RANBP2: variants seen among roughly 807,000 people sequenced by gnomAD.
RANBP2 encodes the protein RAN binding protein 2, also known as E3 SUMO-protein ligase RanBP2.
A neutral mutation model predicts 303.6 loss-of-function variants in RANBP2; 57 were observed. The ratio of observed to expected loss-of-function variants is 0.19; its 90% CI spans 0.15 to 0.23. The LOEUF (loss-of-function observed/expected upper bound fraction) is 0.23. RANBP2 is among the 10% of genes least tolerant of loss of function. The probability of loss-of-function intolerance (pLI) is 1.00; values close to 1 mark genes in which losing one functional copy is unlikely to be tolerated. For synonymous variants in RANBP2, 1,167 were observed against 1,301.5 expected (o/e 0.90, Z 2.23); for missense variants, 3,138 against 3,780.8 (o/e 0.83, Z 4.46).
chr2:109,061,817 C>T, the RANBP2 span, among the ~76,000 whole-genome samples: 164 of 152,152 alleles, frequency 1.1e-3, no homozygotes, highest in African/African-American at 3.6e-3. Flanking sequence ...CTGGTGGGCC[C>T]GTGGACTTGT....
chr2:108,752,637 G>A (rs826523), intron 12 of RANBP2, among the ~76,000 whole-genome samples: 117,327 of 125,988 alleles, frequency 0.93, 54,398 homozygotes, highest in Non-Finnish European at 0.98. Flanking sequence ...AAAAAAAAAA[G>A]AAAAAATTAG....
At chr2:109,283,188 G>A in the RANBP2 span, among the ~76,000 whole-genome samples, 1 of 152,190 alleles carries the variant, frequency 6.6e-6, no homozygotes, top group Admixed American at 6.5e-5. Context: ...GGTGCCTGGA[G>A]CATGCCTCTG....
chr2:109,489,415 A>G, the RANBP2 span, among the ~76,000 whole-genome samples: 2 of 152,204 alleles, frequency 1.3e-5, no homozygotes, highest in East Asian at 1.9e-4. Flanking sequence ...CTCTTAGACA[A>G]CCAGACCCCA....
At chr2:108,750,823 G>C (rs1410939638) in intron 9 of RANBP2, among the ~76,000 whole-genome samples, 1 of 152,150 alleles carries the variant, frequency 6.6e-6, no homozygotes, top group Non-Finnish European at 1.5e-5. Flanking sequence ...TCCTGACTGC[G>C]CAGAACCTTT....
the RANBP2 span, among the ~76,000 whole-genome samples, chr2:109,151,802 A>G: frequency 5.9e-5 from 9 of 152,384 alleles, no homozygotes; most frequent in African/African-American, 9.6e-5. Context: ...TATGACTCTA[A>G]TAGATTTGCA....
At chr2:109,457,667 A>G in the RANBP2 span, among the ~76,000 whole-genome samples, 3 of 152,204 alleles carry the variant, frequency 2.0e-5, no homozygotes, top group Admixed American at 2.0e-4. Context: ...TCAAGTCTAG[A>G]TTCTGTTCTG....
chr2:109,365,342 T>G, the RANBP2 span, among the ~76,000 whole-genome samples: 1 of 152,168 alleles, frequency 6.6e-6, no homozygotes. Flanking sequence ...CCAGCACACA[T>G]CAGTTACAGT....
rs1676924993 is a variant in RANBP2, at chr2:108,763,860, T to C, written c.3321T>C (p.Ser1107=). The change falls in exon 20 of 29, where the codon TCT becomes TCC. Residue 1107 remains serine, a synonymous_variant. Coordinates refer to ENST00000283195, the MANE Select transcript of RANBP2 (RefSeq NM_006267.5). Reference sequence around the variant, plus strand: ...TCAATTTTGGAAGCAAAAATGTGTCTGGAATTTCATTTACAGAAAACATGG... The same window carrying C: ...TCAATTTTGGAAGCAAAAATGTGTCCGGAATTTCATTTACAGAAAACATGG... ...NTFNFGSKNV[S]GISFTENMGS... is the part of the protein sequence containing the mutation. The C allele has an allele frequency of 6.2e-7, 1 of 1,614,026 alleles. No individual in the cohort carries two copies. The highest frequency in any genetic ancestry group is 1.7e-5 in the Admixed American group (1 of 60,000).
chr2:108,900,569 A>C, the RANBP2 span, among the ~76,000 whole-genome samples: 1 of 87,436 alleles, frequency 1.1e-5, no homozygotes, highest in Middle Eastern at 6.0e-3. Context: ...AGAAAAAAAA[A>C]AAAACAAAAA....
the RANBP2 span, among the ~76,000 whole-genome samples, chr2:109,691,333 C>T: frequency 0.75 from 114,173 of 152,010 alleles, 43,446 homozygotes; most frequent in East Asian, 0.99. Flanking sequence ...TGGGGACATG[C>T]GGACAGAGCA....
At chr2:109,144,451 G>T in the RANBP2 span, among the ~76,000 whole-genome samples, 7 of 152,222 alleles carry the variant, frequency 4.6e-5, no homozygotes, top group Non-Finnish European at 8.8e-5. Flanking sequence ...TGTTCTTTCA[G>T]CCCTGGTTTC....
the RANBP2 span, among the ~76,000 whole-genome samples, chr2:108,957,377 C>G: frequency 6.6e-6 from 1 of 152,200 alleles, no homozygotes; most frequent in African/African-American, 2.4e-5. Flanking sequence ...TTTAGGAAGT[C>G]GGGGGCAGGT....
chr2:109,173,679 C>A, the RANBP2 span, among the ~76,000 whole-genome samples: 12 of 152,124 alleles, frequency 7.9e-5, no homozygotes, highest in Non-Finnish European at 1.0e-4. Flanking sequence ...AGGAGACCCA[C>A]GGCAAAGACA....
At chr2:109,292,407 T>C in the RANBP2 span, among the ~76,000 whole-genome samples, 1 of 152,256 alleles carries the variant, frequency 6.6e-6, no homozygotes, top group Non-Finnish European at 1.5e-5. Context: ...CTTAATGCTA[T>C]GTTTAATTGG....
At chr2:109,082,663 A>C in the RANBP2 span, among the ~76,000 whole-genome samples, 2 of 152,088 alleles carry the variant, frequency 1.3e-5, no homozygotes, top group East Asian at 3.9e-4. Context: ...AAAATTTACC[A>C]TTTTGAGCGG....
At chr2:109,086,932 C>T in the RANBP2 span, among the ~76,000 whole-genome samples, 2 of 152,150 alleles carry the variant, frequency 1.3e-5, no homozygotes, top group Non-Finnish European at 2.9e-5. Context: ...TCACAAGGGG[C>T]GATACTAAGC....
chr2:109,019,028 C>T, the RANBP2 span, among the ~76,000 whole-genome samples: 8 of 152,264 alleles, frequency 5.3e-5, no homozygotes, highest in South Asian at 2.1e-4. Flanking sequence ...GTCACAGAGG[C>T]GCCTGTTCTA....
the RANBP2 span, among the ~76,000 whole-genome samples, chr2:108,840,940 TAGCTGGGATTA>T: frequency 6.6e-6 from 1 of 152,156 alleles, no homozygotes; most frequent in African/African-American, 2.4e-5. Context: ...GCCTCCCAAG[TAGCTGGGATTA>T]CAGATGCCCA....
chr2:109,161,378 A>AGG, the RANBP2 span, among the ~76,000 whole-genome samples: 1 of 152,000 alleles, frequency 6.6e-6, no homozygotes, highest in African/African-American at 2.4e-5. Context: ...CTCCAGGAAG[A>AGG]GGGGCAGCCT....
Sources: gnomAD v4.1 joint callset for allele counts (sites outside exome capture counted in the v4.1 genomes callset) on GRCh38, gnomAD v4.1.1 for gene constraint, MANE v1.5 for transcripts, NCBI Gene and HGNC (gene_info 2026-07-23, HGNC 2026-07-21) for gene names.